Variants in COL28A1 observed in about 807,000 individuals in gnomAD.
COL28A1 encodes the protein collagen alpha-1(XXVIII) chain.
Under a neutral mutation model 150.2 loss-of-function variants are expected in COL28A1, and 161 were observed. That is an observed-to-expected ratio of 1.07 (90% confidence interval 0.94 to 1.22). The LOEUF (loss-of-function observed/expected upper bound fraction) is 1.22. Ranked by LOEUF, COL28A1 falls within the 50% of genes most tolerant of loss-of-function variation. COL28A1 has a pLI of 0.00. For synonymous variants in COL28A1, 552 were observed against 469.7 expected (o/e 1.18, Z -2.26); for missense variants, 1,617 against 1,388.3 (o/e 1.16, Z -2.62).
At chr7:7,498,033 T>G (rs1166199527) in intron 11 of COL28A1, among the ~76,000 whole-genome samples, 11 of 152,320 alleles carry the variant, frequency 7.2e-5, no homozygotes, top group African/African-American at 2.4e-5. Context: ...AACAATGAAT[T>G]GGTGAAGAAT....
intron 22 of COL28A1, among the ~76,000 whole-genome samples, chr7:7,437,091 A>G (rs956791293): frequency 6.6e-6 from 1 of 152,176 alleles, no homozygotes; most frequent in African/African-American, 2.4e-5. Context: ...AAACTCTTCA[A>G]TTATAAATCC....
At chr7:7,478,509 G>A (rs535639632) in intron 13 of COL28A1, among the ~76,000 whole-genome samples, 1 of 152,394 alleles carries the variant, frequency 6.6e-6, no homozygotes, top group African/African-American at 2.4e-5. Flanking sequence ...TGGGCTCGCA[G>A]GTGGAGCTGC....
intron 3 of COL28A1, among the ~76,000 whole-genome samples, chr7:7,528,358 T>G (rs573606232): frequency 6.6e-6 from 1 of 152,184 alleles, no homozygotes; most frequent in Admixed American, 6.5e-5. Flanking sequence ...AATAAAAATA[T>G]ATTACATGTC....
At chr7:7,421,515 T>C (rs959005124) in intron 25 of COL28A1, among the ~76,000 whole-genome samples, 2 of 151,924 alleles carry the variant, frequency 1.3e-5, no homozygotes, top group Non-Finnish European at 2.9e-5. Flanking sequence ...GGCTTTGAAC[T>C]ACCACCCAAG....
intron 11 of COL28A1, among the ~76,000 whole-genome samples, chr7:7,494,538 T>G (rs764744805): frequency 6.6e-6 from 1 of 152,232 alleles, no homozygotes; most frequent in Non-Finnish European, 1.5e-5. Flanking sequence ...GCAAAACATC[T>G]AAGTCATAAC....
chr7:7,508,971 T>A (rs943964105), intron 9 of COL28A1, among the ~76,000 whole-genome samples: 5 of 152,090 alleles, frequency 3.3e-5, no homozygotes, highest in African/African-American at 7.2e-5. Flanking sequence ...GTAGCTGAAA[T>A]TACAGGTGTG....
chr7:7,515,466 C>T (rs1781365494), intron 8 of COL28A1, among the ~76,000 whole-genome samples: 1 of 152,170 alleles, frequency 6.6e-6, no homozygotes, highest in African/African-American at 2.4e-5. Context: ...AAGTTAAACA[C>T]CAAGGGTGCA....
intron 33 of COL28A1, among the ~76,000 whole-genome samples, chr7:7,370,137 G>A (rs1396211203): frequency 1.3e-5 from 2 of 152,178 alleles, no homozygotes; most frequent in African/African-American, 4.8e-5. Context: ...TCAGGAGGTG[G>A]TTCTTCACAT....
chr7:7,393,181 TTC>T (rs958274152), intron 27 of COL28A1, among the ~76,000 whole-genome samples: 1 of 152,216 alleles, frequency 6.6e-6, no homozygotes, highest in Non-Finnish European at 1.5e-5. Flanking sequence ...TGCTATTACT[TTC>T]TGTTTGTTAG....
In COL28A1 at chr7:7,413,127, G is replaced by C. The variant is rs147204068; in HGVS notation, c.2136+4732C>G. Among the ~76,000 whole-genome samples the C allele has an allele frequency of 2.0e-5, 3 of 152,212 alleles. No individual in the cohort carries two copies. The East Asian group carries it at 5.8e-4, about 29-fold the overall frequency. ...CCACTGCAGTCATTACTATTTGCCA[G>C]TTTTGGGGACCCCAGGGTTTCTGTT... is the stretch of plus-strand genomic sequence containing the variant. On this transcript the variant is annotated intron_variant, in intron 27 of 34. Coordinates refer to ENST00000399429, the MANE Select transcript of COL28A1 (RefSeq NM_001037763.3).
At chr7:7,540,684 T>C (rs1782768516), upstream of COL28A1, among the ~76,000 whole-genome samples, 1 of 152,230 alleles carries the variant, frequency 6.6e-6, no homozygotes, top group African/African-American at 2.4e-5. Context: ...TAATAATTTA[T>C]ATTTATAAGG....
chr7:7,507,069 C>A, intron 10 of COL28A1, 48 bp downstream of exon 10: 1 of 878,554 alleles, frequency 1.1e-6, no homozygotes. Flanking sequence ...TTTAAAAACT[C>A]CCCAGGTGAT....
chr7:7,432,748 C>T, intron 23 of COL28A1, 48 bp from the exon 24 acceptor site: 2 of 1,468,708 alleles, frequency 1.4e-6, no homozygotes, highest in East Asian at 2.3e-5. Context: ...AACTAGAAAA[C>T]ACCTGGTCAA....
intron 33 of COL28A1, 23 bp from the exon 34 acceptor site, chr7:7,360,551 T>G (rs1331555953): frequency 6.3e-7 from 1 of 1,585,530 alleles, no homozygotes; most frequent in East Asian, 2.3e-5. Flanking sequence ...ATTCACATTT[T>G]GTGTTTCTGA....
chr7:7,358,577 A>G lies in COL28A1; in HGVS notation c.*56T>C. On this transcript the variant is annotated 3_prime_UTR_variant, in exon 35 of 35. Coordinates refer to ENST00000399429, the MANE Select transcript of COL28A1 (RefSeq NM_001037763.3). ...ATAGTGCTGTATTTGTATTGGGTGA[A>G]TATGTGGAAATTAGGGAGTTCTATG... 2.0e-6 allele frequency: 3 copies of G among 1,499,108 alleles called. No individual in the cohort carries two copies. Among genetic ancestry groups the G allele is most frequent in the Non-Finnish European group, 2.8e-6 (3 of 1,083,060 alleles). The allele number at this position is 1,499,108 out of a possible 1,614,324, so 92.9% of individuals were successfully genotyped here.
At chr7:7,371,987 C>G (rs1419069201) in intron 32 of COL28A1, among the ~76,000 whole-genome samples, 1 of 152,052 alleles carries the variant, frequency 6.6e-6, no homozygotes, top group Non-Finnish European at 1.5e-5. Flanking sequence ...CACACGCCAC[C>G]ATGCCCAGCT....
chr7:7,338,288 A>G, the COL28A1 span, among the ~76,000 whole-genome samples: 4 of 152,046 alleles, frequency 2.6e-5, no homozygotes, highest in East Asian at 7.7e-4. Context: ...TCTGGGCAGT[A>G]TGGTCGTTTT....
At chr7:7,459,271 G>T (rs1787412240) in intron 15 of COL28A1, among the ~76,000 whole-genome samples, 1 of 152,224 alleles carries the variant, frequency 6.6e-6, no homozygotes, top group Admixed American at 6.5e-5. Flanking sequence ...AAGGAAGAAA[G>T]AGCAACTCAT....
At chr7:7,390,058 C>T (rs1782443330) in intron 27 of COL28A1, among the ~76,000 whole-genome samples, 1 of 152,156 alleles carries the variant, frequency 6.6e-6, no homozygotes, top group Non-Finnish European at 1.5e-5. Context: ...GAGGGCATCC[C>T]TATCTTGTGC....
Sources: allele counts gnomAD v4.1 joint callset (sites outside exome capture counted in the v4.1 genomes callset), GRCh38; gene constraint gnomAD v4.1.1; transcripts MANE v1.5; gene names NCBI Gene and HGNC (gene_info 2026-07-23, HGNC 2026-07-21).